MINAR2: variants seen among roughly 807,000 people sequenced by gnomAD.
MINAR2 encodes the protein membrane integral NOTCH2 associated receptor 2.
MINAR2 carries 21 observed loss-of-function variants against 16.1 expected under a neutral mutation model. The observed-to-expected ratio is 1.31, with a 90% CI of 0.93 to 1.88. MINAR2 has a LOEUF of 1.88. MINAR2 is among the 40% of genes most tolerant of loss of function. The probability of loss-of-function intolerance (pLI) is 0.00; values close to 1 mark genes in which losing one functional copy is unlikely to be tolerated. For synonymous variants in MINAR2, 86 were observed against 83.0 expected (o/e 1.04, Z -0.20); for missense variants, 259 against 229.8 (o/e 1.13, Z -0.82).
At chr5:129,757,732 G>A (rs1758073598) in intron 1 of MINAR2, among the ~76,000 whole-genome samples, 1 of 151,798 alleles carries the variant, frequency 6.6e-6, no homozygotes, top group Non-Finnish European at 1.5e-5. Context: ...AATAAAAAAT[G>A]TGTGTTAAAC....
chr5:129,756,923 G>T (rs1461143613), intron 1 of MINAR2, among the ~76,000 whole-genome samples: 2 of 121,638 alleles, frequency 1.6e-5, no homozygotes, highest in Non-Finnish European at 3.2e-5. Context: ...GTCTAGTAAG[G>T]CTTTCCACAG....
chr5:129,762,596 G>A, intron 2 of MINAR2: 1 of 333,998 alleles, frequency 3.0e-6, no homozygotes, highest in South Asian at 3.4e-5. Flanking sequence ...ACCATTGCCA[G>A]CAGCAGCACA....
In MINAR2 at chr5:129,748,449, A is replaced by C. The variant is rs949061550; in HGVS notation, c.165+94A>C. 3 of 1,300,228 alleles carry C rather than the reference A, an allele frequency of 2.3e-6. No individual in the cohort carries two copies. The African/African-American group carries it at 4.5e-5, about 19-fold the overall frequency. 80.5% of individuals were successfully genotyped at this position (1,300,228 alleles called of 1,614,324 possible). On this transcript the variant is annotated intron_variant, in intron 1 of 2. Transcript: ENST00000564719. The stretch of plus-strand genomic sequence containing the variant: ...ATTTATGCAACAAGAAGCCTATAGG[A>C]ACAGAGTACAAGGTAGCTGCTCTGT...
rs1561687191 is a variant in MINAR2, at chr5:129,766,657, CAAACAAACAAACAAAAAAAA to C, written c.*1595_*1614del. On this transcript the variant is annotated 3_prime_UTR_variant, in exon 3 of 3. Transcript: ENST00000564719. ...CATAAAAAAAAAAAAAAAAAAAAAA[CAAACAAACAAACAAAAAAAA>C]CCCCAAAAAAAGAGACAGTTTTACT... is the stretch of plus-strand genomic sequence containing the variant. The C allele has an allele frequency of 4.5e-5, 5 of 111,716 alleles. No individual in the cohort carries two copies. The highest frequency in any genetic ancestry group is 2.0e-4 in the African/African-American group (5 of 24,876). The allele number at this position is 111,716 out of a possible 1,614,324, so 6.9% of individuals were successfully genotyped here.
chr5:129,764,701 A>C (rs1758185301), intron 2 of MINAR2, among the ~76,000 whole-genome samples, 183 bp from the exon 3 acceptor site: 1 of 152,036 alleles, frequency 6.6e-6, no homozygotes, highest in African/African-American at 2.4e-5. Context: ...CTGTAGCTGC[A>C]ATTTTATGCT....
chr5:129,759,787 GT>G (rs1371424070), intron 1 of MINAR2, among the ~76,000 whole-genome samples: 2 of 151,362 alleles, frequency 1.3e-5, no homozygotes, highest in African/African-American at 4.8e-5. Context: ...AATTTGAAAA[GT>G]TTTTAAAAAC....
chr5:129,754,657 C>G (rs1410699574), intron 1 of MINAR2, among the ~76,000 whole-genome samples: 1 of 152,026 alleles, frequency 6.6e-6, no homozygotes, highest in East Asian at 1.9e-4. Context: ...TTATTTTTCT[C>G]TTGGTAATAG....
Position 129,748,301 on chromosome 5 carries a change from T to G in MINAR2, c.111T>G (p.Phe37Leu). 6.5e-7 allele frequency: 1 copy of G among 1,535,212 alleles called. No individual in the cohort carries two copies. The highest frequency in any genetic ancestry group is 1.4e-5 in the African/African-American group (1 of 73,142). Residue 37 changes from phenylalanine (F) to leucine (L), a missense_variant, in exon 1 of 3, where the codon TTT becomes TTG. Transcript: ENST00000564719. The stretch of plus-strand genomic sequence containing the variant: ...TCCTTCAGGCCAGCCTGGTGAGGTT[T>G]CCGGGTGGAAATTATCCTGCTGCAC... ...SALLQASLVR[F>L]PGGNYPAAQH...
intron 1 of MINAR2, among the ~76,000 whole-genome samples, chr5:129,758,166 G>T: frequency 6.6e-6 from 1 of 151,958 alleles, no homozygotes; most frequent in Middle Eastern, 3.4e-3. Context: ...TATTTTAAAA[G>T]GTAATTTATT....
intron 2 of MINAR2, among the ~76,000 whole-genome samples, chr5:129,764,649 C>G (rs1323185506): frequency 6.6e-6 from 1 of 152,090 alleles, no homozygotes; most frequent in Non-Finnish European, 1.5e-5. Context: ...CTGATGCAGA[C>G]CTACAAATTG....
chr5:129,753,847 A>G (rs929316600), intron 1 of MINAR2, among the ~76,000 whole-genome samples: 1 of 152,074 alleles, frequency 6.6e-6, no homozygotes, highest in Non-Finnish European at 1.5e-5. Flanking sequence ...AGAAAGAAGA[A>G]AAAGAAAGAA....
chr5:129,751,336 G>A (rs1210248514), intron 1 of MINAR2, among the ~76,000 whole-genome samples: 1 of 152,038 alleles, frequency 6.6e-6, no homozygotes, highest in Non-Finnish European at 1.5e-5. Context: ...AGCCTCCTGA[G>A]TATCTGGGAT....
rs112457438 is a variant in MINAR2 at position 129,753,247 on chromosome 5, G to T, written c.165+4892G>T. 1.4e-4 allele frequency among the ~76,000 whole-genome samples: 21 copies of T among 152,140 alleles called. 2 individuals carry two copies. Among genetic ancestry groups the T allele is most frequent in the African/African-American group, 4.3e-4 (18 of 41,508 alleles). On this transcript the variant is annotated intron_variant, in intron 1 of 2. Coordinates refer to ENST00000564719, the MANE Select transcript of MINAR2 (RefSeq NM_001257308.2). ...TGCTGTAATTCCAGCACTTTGGGAG[G>T]CTGAGGCGGGCAGATCACTTGAGGC...
At chr5:129,753,438 G>T (rs189263374) in intron 1 of MINAR2, among the ~76,000 whole-genome samples, 1 of 136,994 alleles carries the variant, frequency 7.3e-6, no homozygotes, top group Non-Finnish European at 1.5e-5. Flanking sequence ...AGCTAAGATC[G>T]TGCCACTGCA....
Position 129,765,155 on chromosome 5 carries a change from C to T in MINAR2, c.*92C>T, listed in dbSNP as rs926655067. ...CCCCCACCAAAATAACAAAAAAACA[C>T]ATGTACATGCAGTGTGAATGGATTG... On this transcript the variant is annotated 3_prime_UTR_variant, in exon 3 of 3. Coordinates refer to ENST00000564719, the MANE Select transcript of MINAR2 (RefSeq NM_001257308.2). The T allele has an allele frequency of 3.1e-6, 2 of 652,776 alleles. No homozygotes were observed. The highest frequency in any genetic ancestry group is 3.7e-5 in the African/African-American group (2 of 53,588). The allele number at this position is 652,776 out of a possible 1,614,324, so 40.4% of individuals were successfully genotyped here.
At chr5:129,761,218 G>C (rs1055071549) in intron 2 of MINAR2, among the ~76,000 whole-genome samples, 1 of 152,070 alleles carries the variant, frequency 6.6e-6, no homozygotes, top group African/African-American at 2.4e-5. Flanking sequence ...GCCCCCACTG[G>C]TGTCACCCCA....
intron 1 of MINAR2, 75 bp from the exon 2 acceptor site, chr5:129,760,303 G>T (rs190289531): frequency 8.0e-5 from 84 of 1,046,768 alleles, no homozygotes; most frequent in Admixed American, 2.0e-4. Flanking sequence ...ACATTATCAG[G>T]TAGTTATCTC....
intron 1 of MINAR2, among the ~76,000 whole-genome samples, chr5:129,755,382 G>A (rs550605452): frequency 6.6e-6 from 1 of 151,908 alleles, no homozygotes; most frequent in Non-Finnish European, 1.5e-5. Flanking sequence ...CTATTTTCTG[G>A]AAGAATTTGA....
In MINAR2 at chr5:129,764,579, T is replaced by C. The variant is rs138961027; in HGVS notation, c.394-305T>C. On this transcript the variant is annotated intron_variant, in intron 2 of 2. Transcript: ENST00000564719. ...ACAATGTGATAGAAACACCGTTGTG[T>C]TTCTGACCCTCTGATGTGAGCAATT... Among the ~76,000 whole-genome samples the C allele has an allele frequency of 9.7e-3, 1,477 of 152,326 alleles. 24 individuals carry two copies. The highest frequency in any genetic ancestry group is 0.044 in the Middle Eastern group (13 of 294).
Sources: allele counts gnomAD v4.1 joint callset (sites outside exome capture counted in the v4.1 genomes callset), GRCh38; gene constraint gnomAD v4.1.1; transcripts MANE v1.5; gene names NCBI Gene and HGNC (gene_info 2026-07-23, HGNC 2026-07-21).